Variants in CLVS1 observed in about 807,000 individuals in gnomAD.
CLVS1 encodes the protein clavesin 1.
In CLVS1, 10 loss-of-function variants were observed where a neutral mutation model predicts 33.1. The observed-to-expected ratio is 0.30, with a 90% CI of 0.19 to 0.51. CLVS1 has a LOEUF of 0.51. CLVS1 is among the 20% of genes least tolerant of loss of function. The pLI is 0.97. For missense variants in CLVS1, 343 were observed against 433.4 expected, an observed-to-expected ratio of 0.79 and a Z score of 1.85; for synonymous variants, 163 against 166.1, an observed-to-expected ratio of 0.98 and a Z score of 0.14.
At chr8:61,419,820 T>C (rs12335039) in intron 3 of CLVS1, among the ~76,000 whole-genome samples, 3,650 of 152,294 alleles carry the variant, frequency 0.024, 162 homozygotes, top group African/African-American at 0.083. Context: ...CTTAACTGCA[T>C]ATCTGCAAAC....
chr8:61,335,931 A>C (rs1339625736), intron 2 of CLVS1, among the ~76,000 whole-genome samples: 5 of 152,188 alleles, frequency 3.3e-5, no homozygotes. Flanking sequence ...ATCAGCAGTG[A>C]CATAAAATAT....
intron 2 of CLVS1, among the ~76,000 whole-genome samples, chr8:61,369,711 C>G (rs1585872011): frequency 6.6e-6 from 1 of 152,188 alleles, no homozygotes; most frequent in South Asian, 2.1e-4. Flanking sequence ...AGGAAATTGT[C>G]CATTGCTGAA....
intron 1 of CLVS1, among the ~76,000 whole-genome samples, chr8:61,066,665 C>T (rs1476458034): frequency 4.6e-5 from 7 of 152,286 alleles, no homozygotes; most frequent in Non-Finnish European, 7.3e-5. Context: ...TGTGGGTCAA[C>T]GGAGGTTGCC....
At chr8:61,013,719 A>T in the CLVS1 span, among the ~76,000 whole-genome samples, 1,683 of 152,304 alleles carry the variant, frequency 0.011, 26 homozygotes, top group African/African-American at 0.029. Flanking sequence ...CCGATGCCAA[A>T]ATCAACATGC....
chr8:61,365,667 C>T (rs1333982380), intron 2 of CLVS1, among the ~76,000 whole-genome samples: 1 of 152,028 alleles, frequency 6.6e-6, no homozygotes, highest in African/African-American at 2.4e-5. Context: ...TAGCTCCATG[C>T]CTAGTGCTCA....
intron 2 of CLVS1, among the ~76,000 whole-genome samples, chr8:61,260,158 G>T (rs1249866804): frequency 1.3e-5 from 2 of 152,124 alleles, no homozygotes; most frequent in Non-Finnish European, 2.9e-5. Flanking sequence ...GTTCCTTCTT[G>T]GTTCTCTTCA....
rs141210152 is a variant in CLVS1, at chr8:61,449,733, A to G, written c.631-4408A>G. On this transcript the variant is annotated intron_variant, in intron 3 of 5. Coordinates refer to ENST00000325897, the MANE Select transcript of CLVS1 (RefSeq NM_173519.3). Reference sequence around the variant, plus strand: ...AGGTACTGCCTTCTTCTGTCCCAAGACTTTGATACATAGAGCTAAATAAAA... The same window carrying G: ...AGGTACTGCCTTCTTCTGTCCCAAGGCTTTGATACATAGAGCTAAATAAAA... 3.9e-5 allele frequency among the ~76,000 whole-genome samples: 6 copies of G among 152,178 alleles called. No individual in the cohort carries two copies. The South Asian group carries it at 1.2e-3, about 32-fold the overall frequency.
chr8:61,189,623 G>A (rs1001996552), intron 2 of CLVS1, among the ~76,000 whole-genome samples: 4 of 152,122 alleles, frequency 2.6e-5, no homozygotes, highest in Non-Finnish European at 5.9e-5. Context: ...GTATTCAGGA[G>A]ACTCATCTCA....
chr8:61,418,984 TG>T (rs34482106), intron 3 of CLVS1, among the ~76,000 whole-genome samples: 20,910 of 152,198 alleles, frequency 0.14, 1,814 homozygotes, highest in African/African-American at 0.24. Context: ...CCAAGTACAC[TG>T]GCCTGGCACA....
At chr8:61,261,982 G>A (rs1254301744) in intron 2 of CLVS1, among the ~76,000 whole-genome samples, 1 of 71,698 alleles carries the variant, frequency 1.4e-5, no homozygotes, top group African/African-American at 9.8e-5. Flanking sequence ...CTGCGTGTGT[G>A]TGTGTGTGTG....
chr8:60,978,578 G>A, the CLVS1 span, among the ~76,000 whole-genome samples: 1 of 151,996 alleles, frequency 6.6e-6, no homozygotes, highest in African/African-American at 2.4e-5. Context: ...ACTTTGGAAG[G>A]CCGAGGCAGG....
At chr8:61,153,077 C>T (rs1330617193) in intron 2 of CLVS1, among the ~76,000 whole-genome samples, 1 of 152,052 alleles carries the variant, frequency 6.6e-6, no homozygotes, top group Admixed American at 6.6e-5. Context: ...CTGAGGGGGG[C>T]TGCACTCCAG....
chr8:61,423,214 A>G (rs116423904), intron 3 of CLVS1, among the ~76,000 whole-genome samples: 1,855 of 152,208 alleles, frequency 0.012, 37 homozygotes, highest in African/African-American at 0.043. Context: ...AGTCTGTGGC[A>G]TCAGAACTAG....
In CLVS1 at chr8:61,090,050, C is replaced by T. The variant is rs1585602266; in HGVS notation, c.-243+32820C>T. On this transcript the variant is annotated intron_variant, in intron 1 of 2. Transcript: ENST00000522621. ...ACCTCCTGCTGTTATTTGAGCAGCCCCCTCCTTTCTTTGATTATTCTTTAG... is the reference window on the plus strand; with the variant it reads ...ACCTCCTGCTGTTATTTGAGCAGCCTCCTCCTTTCTTTGATTATTCTTTAG... Among the ~76,000 whole-genome samples, 4 of 152,246 alleles carry T rather than the reference C, an allele frequency of 2.6e-5. 1 individual carries two copies. Among genetic ancestry groups the T allele is most frequent in the Admixed American group, 2.6e-4 (4 of 15,292 alleles).
At chr8:61,464,001 C>T (rs1344896046) in intron 5 of CLVS1, among the ~76,000 whole-genome samples, 5 of 149,340 alleles carry the variant, frequency 3.3e-5, no homozygotes, top group African/African-American at 7.5e-5. Context: ...TGAACCTGGG[C>T]GGGTGGAGGT....
the CLVS1 span, among the ~76,000 whole-genome samples, chr8:61,045,074 G>A: frequency 6.6e-6 from 1 of 152,208 alleles, no homozygotes; most frequent in Admixed American, 6.5e-5. Flanking sequence ...CCATCATGAA[G>A]GCAGAAACAG....
intron 1 of CLVS1, among the ~76,000 whole-genome samples, chr8:61,089,438 G>T (rs1253450793): frequency 3.3e-5 from 5 of 152,150 alleles, no homozygotes; most frequent in African/African-American, 1.2e-4. Context: ...CAGACCTCTG[G>T]TACCCTGCTG....
intron 2 of CLVS1, chr8:61,202,909 A>T (rs1807766908): frequency 9.0e-7 from 1 of 1,113,468 alleles, no homozygotes; most frequent in South Asian, 1.2e-5. Flanking sequence ...AGCTGAAGAA[A>T]AAGTGCCAGT....
chr8:61,394,101 C>A (rs968566489), intron 3 of CLVS1, among the ~76,000 whole-genome samples: 1 of 152,216 alleles, frequency 6.6e-6, no homozygotes, highest in African/African-American at 2.4e-5. Context: ...AATCCCAGCA[C>A]TTTGGGTGGC....
Sources: allele counts gnomAD v4.1 joint callset (sites outside exome capture counted in the v4.1 genomes callset), GRCh38; gene constraint gnomAD v4.1.1; transcripts MANE v1.5; gene names NCBI Gene and HGNC (gene_info 2026-07-23, HGNC 2026-07-21).